DCHS1: variants seen among roughly 807,000 people sequenced by gnomAD.
The protein encoded by DCHS1 is dachsous cadherin-related 1.
A neutral mutation model predicts 213.9 loss-of-function variants in DCHS1; 78 were observed. The ratio of observed to expected loss-of-function variants is 0.36; its 90% CI spans 0.30 to 0.44. DCHS1 has a LOEUF of 0.44. DCHS1 is among the 20% of genes least tolerant of loss of function. The pLI is 1.00. For synonymous variants in DCHS1, 1,828 were observed against 1,873.7 expected (o/e 0.98, Z 0.63); for missense variants, 3,946 against 4,395.9 (o/e 0.90, Z 2.89).
chr11:6,624,244 G>A lies in DCHS1; in HGVS notation c.7432C>T (p.His2478Tyr). Residue 2478 changes from histidine (H) to tyrosine (Y), a missense_variant, in exon 21 of 21, where the codon CAC becomes TAC. By Grantham distance (83) the His-to-Tyr change is moderately conservative. Coordinates refer to ENST00000299441, the MANE Select transcript of DCHS1 (RefSeq NM_003737.4). ...VHVQLQDQND[H>Y]APSFTLSHYR... ...TGTGACAATGTGAAGCTCGGGGCGT[G>A]GTCGTTCTGGTCCTGCAGCTGCACG... 6.2e-7 allele frequency: 1 copy of A among 1,612,418 alleles called. No individual in the cohort carries two copies.
At chr11:6,655,152 C>T (rs760701850) in intron 1 of DCHS1, among the ~76,000 whole-genome samples, 1 of 152,024 alleles carries the variant, frequency 6.6e-6, no homozygotes, top group African/African-American at 2.4e-5. Flanking sequence ...CACACCCTCA[C>T]AGGGACTCGC....
intron 1 of DCHS1, among the ~76,000 whole-genome samples, chr11:6,644,142 A>T (rs898788026): frequency 1.3e-5 from 2 of 151,740 alleles, no homozygotes; most frequent in African/African-American, 2.4e-5. Context: ...TCACCAAACC[A>T]CTCCTGATGA....
At chr11:6,634,409 G>A (rs934266242) in intron 2 of DCHS1, 103 bp from the exon 3 acceptor site, 43 of 1,313,060 alleles carry the variant, frequency 3.3e-5, no homozygotes, top group South Asian at 2.5e-4. Flanking sequence ...TCTGGATGGC[G>A]GACACACAGA....
Position 6,631,811 on chromosome 11 carries a change from TG to T in DCHS1, c.3482-3del. ...GGGTTTGGAGTGTGGTCACTTCTCC[TG>T]GGAGTGCAAGAAGGCGATCATGTAC... On this transcript the variant is annotated splice_polypyrimidine_tract_variant and splice_region_variant and intron_variant, in intron 6 of 20. Transcript: ENST00000299441. 1 of 1,521,902 alleles carries T rather than the reference TG, an allele frequency of 6.6e-7. No individual in the cohort carries two copies. The highest frequency in any genetic ancestry group is 8.8e-7 in the Non-Finnish European group (1 of 1,134,076). The allele number at this position is 1,521,902 out of a possible 1,614,324, so 94.3% of individuals were successfully genotyped here. A position where few individuals can be genotyped will look rare whatever the true frequency, so the allele number is the denominator to read the frequency against.
chr11:6,629,898 C>A lies in DCHS1; in HGVS notation c.4809G>T (p.Val1603=). ...GTTGTTCGCGGTCCAACGGCCGCAC[C>A]ACGGACAGCGCTCCTAGGTGAGCGG... is the stretch of plus-strand genomic sequence containing the variant. ...RLHSSTGALS[V]VRPLDREQRA... Residue 1603 remains valine (V), a synonymous_variant, in exon 11 of 21, where the codon GTG becomes GTT. Transcript: ENST00000299441. The A allele has an allele frequency of 6.2e-7, 1 of 1,612,464 alleles. No homozygotes were observed. The highest frequency in any genetic ancestry group is 8.5e-7 in the Non-Finnish European group (1 of 1,179,266).
intron 1 of DCHS1, among the ~76,000 whole-genome samples, chr11:6,643,301 G>A (rs1474678643): frequency 1.3e-5 from 2 of 152,134 alleles, no homozygotes; most frequent in Non-Finnish European, 2.9e-5. Context: ...CTTTCTGAAA[G>A]ATTTTTTCAT....
At position 6,652,997 on chromosome 11, in the gene DCHS1, A is replaced by G. The variant is rs532362682; in HGVS notation, c.-121+2566T>C. Among the ~76,000 whole-genome samples the G allele has an allele frequency of 1.9e-3, 283 of 152,300 alleles. 1 individual carries two copies. Among genetic ancestry groups the G allele is most frequent in the African/African-American group, 6.4e-3 (265 of 41,566 alleles). ...CTCAGGCTCTTTCTCCAGTCTCCAC[A>G]TGGCTGTCAGAGTGGTATTTCTAAA... On this transcript the variant is annotated intron_variant, in intron 1 of 20. Transcript: ENST00000299441.
chr11:6,642,552 G>A (rs1276296869), intron 1 of DCHS1, among the ~76,000 whole-genome samples: 1 of 146,756 alleles, frequency 6.8e-6, no homozygotes, highest in South Asian at 2.3e-4. Flanking sequence ...AAGGAGAAAA[G>A]GACATTCTAG....
At chr11:6,638,831 T>C (rs1231753172) in intron 2 of DCHS1, among the ~76,000 whole-genome samples, 3 of 152,168 alleles carry the variant, frequency 2.0e-5, no homozygotes, top group Non-Finnish European at 4.4e-5. Context: ...TAAAGCCAGA[T>C]AGCTAACTTA....
chr11:6,622,126 C>T lies in DCHS1; in HGVS notation c.9550G>A (p.Ala3184Thr), dbSNP rs780215556. ...QPLASVFTEI[A>T]RLKDEARPCP... ...GGCCGAGCTTCATCCTTGAGCCGAG[C>T]GATCTCTGTGAAGACACTGGCCAGT... Residue 3184 changes from alanine to threonine, a missense_variant, in exon 21 of 21, where the codon GCT (alanine) becomes ACT (threonine). By Grantham distance (58) the Ala-to-Thr change is moderately conservative. Around this residue, in one of 3 missense-constraint regions of DCHS1, gnomAD observed 554 missense variants for 590.2 expected, o/e 0.94. Transcript: ENST00000299441. This position sits in a 1 kb window ranked among gnomAD's most constrained non-coding sequence, Gnocchi z 5.4. The T allele has an allele frequency of 6.2e-6, 10 of 1,612,968 alleles. No individual in the cohort carries two copies. Among genetic ancestry groups the T allele is most frequent in the East Asian group, 2.2e-5 (1 of 44,872 alleles).
intron 1 of DCHS1, among the ~76,000 whole-genome samples, chr11:6,645,263 G>A (rs1458619191): frequency 6.6e-6 from 1 of 152,194 alleles, no homozygotes; most frequent in Non-Finnish European, 1.5e-5. Context: ...GAACAAGGAG[G>A]TCAGGGTGAA....
chr11:6,640,058 T>G lies in DCHS1; in HGVS notation c.1556A>C (p.His519Pro). 6.2e-7 allele frequency: 1 copy of G among 1,613,968 alleles called. No individual in the cohort carries two copies. Among genetic ancestry groups the G allele is most frequent in the Non-Finnish European group, 8.5e-7 (1 of 1,179,876 alleles). The change falls in exon 2 of 21, where the codon CAC becomes CCC. Residue 519 changes from histidine to proline, a missense_variant. His to Pro is a moderately conservative substitution (Grantham distance 77, BLOSUM62 -2). Coordinates refer to ENST00000299441, the MANE Select transcript of DCHS1 (RefSeq NM_003737.4). The surrounding 1 kb of genome is among the most constrained non-coding windows in gnomAD (Gnocchi z 6.5). Reference sequence around the variant, plus strand: ...TGAGGTGGGGTCAATGGAGAACCAGTGGGTGTGGGCGCCAGGGGCTAGGCT... The same window carrying G: ...TGAGGTGGGGTCAATGGAGAACCAGGGGGTGTGGGCGCCAGGGGCTAGGCT... Reference protein sequence around the residue: ...TYSLAPGAHTHWFSIDPTSGI... With the variant: ...TYSLAPGAHTPWFSIDPTSGI...
In DCHS1 at chr11:6,626,122, C is replaced by T. The variant is rs1457570059; in HGVS notation, c.6576+47G>A. ...GGGACTGGTCTGGCCACAGACAAGT[C>T]TGACTAGCCCTGCTCCCCCGCCCAA... On this transcript the variant is annotated intron_variant, in intron 16 of 20. Transcript: ENST00000299441. The surrounding 1 kb of genome is among the most constrained non-coding windows in gnomAD (Gnocchi z 5.2). 5.0e-6 allele frequency: 8 copies of T among 1,595,180 alleles called. No homozygotes were observed. The highest frequency in any genetic ancestry group is 1.8e-5 in the Admixed American group (1 of 57,076).
chr11:6,645,131 T>C (rs1269839495), intron 1 of DCHS1, among the ~76,000 whole-genome samples: 1 of 152,238 alleles, frequency 6.6e-6, no homozygotes, highest in Non-Finnish European at 1.5e-5. Context: ...GGGTATTTGC[T>C]AGACTCTCTT....
chr11:6,652,012 G>C (rs1393815545), intron 1 of DCHS1, among the ~76,000 whole-genome samples: 1 of 152,134 alleles, frequency 6.6e-6, no homozygotes, highest in Non-Finnish European at 1.5e-5. Context: ...TGATTACCTA[G>C]AGGTGTGTAT....
chr11:6,633,184 G>A (rs113892733), intron 5 of DCHS1, 128 bp from the exon 6 acceptor site: 1 of 1,219,532 alleles, frequency 8.2e-7, no homozygotes, highest in Non-Finnish European at 1.1e-6. Context: ...TAGGAGGAGG[G>A]GCAGGGGTTG....
intron 2 of DCHS1, among the ~76,000 whole-genome samples, chr11:6,637,893 T>C (rs560092144): frequency 7.7e-4 from 118 of 152,312 alleles, no homozygotes; most frequent in African/African-American, 2.5e-3. Context: ...TCAATACATG[T>C]ATATTGAATA....
intron 1 of DCHS1, among the ~76,000 whole-genome samples, chr11:6,643,900 C>T (rs967237950): frequency 6.6e-6 from 1 of 152,168 alleles, no homozygotes; most frequent in Non-Finnish European, 1.5e-5. Flanking sequence ...ACTAGCAATC[C>T]AGAAGCTCTC....
intron 2 of DCHS1, chr11:6,634,998 G>C: frequency 6.6e-6 from 1 of 152,264 alleles, no homozygotes; most frequent in East Asian, 1.9e-4. Flanking sequence ...CAAATAATGA[G>C]GACCAACTGT....
Sources: allele counts gnomAD v4.1 joint callset (sites outside exome capture counted in the v4.1 genomes callset), GRCh38; gene constraint gnomAD v4.1.1; regional missense constraint gnomAD v4.1.1; non-coding constraint Gnocchi (gnomAD v3.1); transcripts MANE v1.5; gene names NCBI Gene and HGNC (gene_info 2026-07-23, HGNC 2026-07-21).